DOCK3: variants seen among roughly 807,000 people sequenced by gnomAD.
The protein encoded by DOCK3 is dedicator of cytokinesis 3.
Under a neutral mutation model 265.6 loss-of-function variants are expected in DOCK3, and 60 were observed. That is an observed-to-expected ratio of 0.23 (90% CI 0.18 to 0.28). DOCK3 has a LOEUF of 0.28. Ranked by LOEUF, DOCK3 falls within the 10% of genes least tolerant of loss-of-function variation. The pLI, the probability that DOCK3 is intolerant of heterozygous loss-of-function variation, is 1.00. For synonymous variants in DOCK3, 881 were observed against 938.0 expected, an observed-to-expected ratio of 0.94 and a Z score of 1.11; for missense variants, 1,981 against 2,594.3, an observed-to-expected ratio of 0.76 and a Z score of 5.14.
intron 12 of DOCK3, among the ~76,000 whole-genome samples, chr3:51,169,152 T>C (rs2107611672): frequency 6.6e-6 from 1 of 152,332 alleles, no homozygotes; most frequent in South Asian, 2.1e-4. Flanking sequence ...TATAAATTAG[T>C]TCAACCATTG....
intron 1 of DOCK3, among the ~76,000 whole-genome samples, chr3:50,722,503 G>A (rs1185093936): frequency 2.6e-5 from 4 of 152,138 alleles, no homozygotes; most frequent in Admixed American, 6.5e-5. Flanking sequence ...TCTTAAGTAC[G>A]TGTTAGAAGT....
intron 12 of DOCK3, among the ~76,000 whole-genome samples, chr3:51,168,960 A>G (rs1368085631): frequency 6.6e-6 from 1 of 152,252 alleles, no homozygotes; most frequent in African/African-American, 2.4e-5. Context: ...GAAGACATAC[A>G]TGTGGCCAAC....
rs118157523 is a variant in DOCK3, at chr3:50,915,536, A to T, written c.219-18445A>T. Among the ~76,000 whole-genome samples, 925 of 152,112 alleles carry T rather than the reference A, an allele frequency of 6.1e-3. 27 individuals are homozygous for T. The highest frequency in any genetic ancestry group is 0.043 in the East Asian group (224 of 5,172). On this transcript the variant is annotated intron_variant, in intron 4 of 52. Coordinates refer to ENST00000266037, the MANE Select transcript of DOCK3 (RefSeq NM_004947.5). ...GGCAAGGTGTCCAAGTTCAGACACC[A>T]TTCTGTTTCTCTGGGATATGGGGTA...
chr3:50,846,690 A>G (rs950917128), intron 3 of DOCK3, among the ~76,000 whole-genome samples: 1 of 152,080 alleles, frequency 6.6e-6, no homozygotes, highest in Non-Finnish European at 1.5e-5. Flanking sequence ...TGAACTTGAT[A>G]TTGGTCTGTT....
At chr3:50,748,100 T>A (rs1417738963) in intron 1 of DOCK3, among the ~76,000 whole-genome samples, 2 of 152,240 alleles carry the variant, frequency 1.3e-5, no homozygotes, top group African/African-American at 2.4e-5. Flanking sequence ...ATTTTTTTCC[T>A]ACCTGCCTGA....
chr3:50,820,155 TC>T (rs1246040033), intron 2 of DOCK3, among the ~76,000 whole-genome samples: 1 of 152,204 alleles, frequency 6.6e-6, no homozygotes, highest in South Asian at 2.1e-4. Context: ...ATGCCGCTGC[TC>T]TGTCTGTAGA....
In DOCK3 at chr3:51,360,567, G is replaced by T; in HGVS notation, c.4941G>T (p.Arg1647=). ...CATGTTCAGGCACCAGCACCCCACG[G>T]GGAAATGTTCTGGCATCCCATAGCC... ...SPACSGTSTP[R]GNVLASHSPM... Residue 1647 remains arginine (R), a synonymous_variant, in exon 47 of 53, where the codon CGG becomes CGT. Coordinates refer to ENST00000266037, the MANE Select transcript of DOCK3 (RefSeq NM_004947.5). 4.3e-6 allele frequency: 7 copies of T among 1,613,492 alleles called. No homozygotes were observed. Among genetic ancestry groups the T allele is most frequent in the Non-Finnish European group, 5.9e-6 (7 of 1,179,704 alleles).
intron 1 of DOCK3, among the ~76,000 whole-genome samples, chr3:50,711,054 T>A (rs1362397591): frequency 1.3e-5 from 2 of 152,176 alleles, no homozygotes; most frequent in Non-Finnish European, 2.9e-5. Context: ...AAATCTCCAG[T>A]AAAGAACTTA....
At chr3:51,144,059 GT>G (rs1488786468) in intron 9 of DOCK3, among the ~76,000 whole-genome samples, 1 of 152,092 alleles carries the variant, frequency 6.6e-6, no homozygotes, top group African/African-American at 2.4e-5. Flanking sequence ...TCAAGGCTTA[GT>G]TTTTTTCATA....
At chr3:50,802,076 G>A (rs1165304639) in intron 2 of DOCK3, among the ~76,000 whole-genome samples, 1 of 151,994 alleles carries the variant, frequency 6.6e-6, no homozygotes, top group Non-Finnish European at 1.5e-5. Context: ...TACAGTTTTT[G>A]TGTGTCTTTA....
intron 4 of DOCK3, among the ~76,000 whole-genome samples, chr3:50,914,854 A>G (rs1183293956): frequency 6.6e-6 from 1 of 152,024 alleles, no homozygotes; most frequent in Admixed American, 6.5e-5. Context: ...GACTTAACCA[A>G]TGGGATCCCT....
intron 22 of DOCK3, among the ~76,000 whole-genome samples, chr3:51,248,837 G>T (rs1273286041): frequency 7.2e-6 from 1 of 139,228 alleles, no homozygotes; most frequent in Non-Finnish European, 1.6e-5. Context: ...GAGCACCTCT[G>T]CCCCGCCGCC....
At chr3:51,369,979 G>C (rs2087552959) in intron 49 of DOCK3, among the ~76,000 whole-genome samples, 1 of 152,238 alleles carries the variant, frequency 6.6e-6, no homozygotes, top group Non-Finnish European at 1.5e-5. Flanking sequence ...TCTGAGGTCA[G>C]AAAAGGGGAG....
chr3:51,378,525 G>GC (rs1333426428), intron 51 of DOCK3, among the ~76,000 whole-genome samples: 2 of 152,202 alleles, frequency 1.3e-5, no homozygotes, highest in Non-Finnish European at 2.9e-5. Context: ...AGCTACCACG[G>GC]CCTTAGAACA....
intron 49 of DOCK3, among the ~76,000 whole-genome samples, chr3:51,371,615 T>C (rs2087685589): frequency 6.6e-6 from 1 of 152,264 alleles, no homozygotes; most frequent in African/African-American, 2.4e-5. Flanking sequence ...TTGAAGTTTG[T>C]GTTTGGTATT....
At chr3:50,945,898 C>T (rs1038125242) in intron 5 of DOCK3, among the ~76,000 whole-genome samples, 3 of 151,832 alleles carry the variant, frequency 2.0e-5, no homozygotes, top group Non-Finnish European at 4.4e-5. Context: ...GATAATGGGA[C>T]CCACATTCCA....
intron 14 of DOCK3, among the ~76,000 whole-genome samples, chr3:51,216,706 T>C (rs958505615): frequency 9.2e-5 from 14 of 152,168 alleles, no homozygotes; most frequent in African/African-American, 3.4e-4. Context: ...AGGTTTGCAG[T>C]CCCTGGGCAA....
At chr3:51,196,387 T>C (rs2088296366) in intron 12 of DOCK3, among the ~76,000 whole-genome samples, 1 of 152,224 alleles carries the variant, frequency 6.6e-6, no homozygotes, top group African/African-American at 2.4e-5. Context: ...GGAGACGACC[T>C]TTTTGCATTG....
intron 38 of DOCK3, among the ~76,000 whole-genome samples, chr3:51,342,669 C>G (rs891604273): frequency 6.6e-6 from 1 of 152,184 alleles, no homozygotes; most frequent in African/African-American, 2.4e-5. Context: ...TGAGTCTACC[C>G]GTGGGATGCA....
Sources: allele counts gnomAD v4.1 joint callset (sites outside exome capture counted in the v4.1 genomes callset), GRCh38; gene constraint gnomAD v4.1.1; transcripts MANE v1.5; gene names NCBI Gene and HGNC (gene_info 2026-07-23, HGNC 2026-07-21).